Variants in CDH18 observed in about 807,000 individuals in gnomAD.
CDH18 encodes cadherin-18.
In CDH18, 31 loss-of-function variants were observed where a neutral mutation model predicts 67.9. That is an observed-to-expected ratio of 0.46 (90% CI 0.34 to 0.62). CDH18 has a LOEUF of 0.62. Among genes scored for constraint, CDH18 ranks in the 20% least tolerant of loss-of-function variants. CDH18 has a pLI of 0.01. For missense variants in CDH18, 890 were observed against 975.5 expected (o/e 0.91, Z 1.17); for synonymous variants, 362 against 347.2 (o/e 1.04, Z -0.48).
intron 2 of CDH18, among the ~76,000 whole-genome samples, chr5:20,181,663 T>C (rs1023070791): frequency 6.6e-6 from 1 of 152,106 alleles, no homozygotes; most frequent in Admixed American, 6.6e-5. Context: ...TTCATGGTAT[T>C]CAAGTGAACA....
At chr5:20,501,487 TATATTTTATATAC>T (rs1754255717) in intron 1 of CDH18, among the ~76,000 whole-genome samples, 1 of 73,544 alleles carries the variant, frequency 1.4e-5, no homozygotes, top group Non-Finnish European at 2.8e-5. Flanking sequence ...ACATATTATA[TATATTTTATATAC>T]ATATTTTATA....
intron 1 of CDH18, among the ~76,000 whole-genome samples, chr5:20,523,790 T>C (rs2126529840): frequency 6.6e-6 from 1 of 152,298 alleles, no homozygotes; most frequent in East Asian, 1.9e-4. Context: ...TCTGCCCACC[T>C]TGGCCTCCCA....
intron 2 of CDH18, among the ~76,000 whole-genome samples, chr5:20,113,116 T>C (rs1026805011): frequency 6.6e-6 from 1 of 152,232 alleles, no homozygotes; most frequent in Non-Finnish European, 1.5e-5. Context: ...AGTGATATTT[T>C]AACTTCTTCA....
intron 1 of CDH18, among the ~76,000 whole-genome samples, chr5:20,425,616 TA>T (rs1748243312): frequency 6.6e-6 from 1 of 151,002 alleles, no homozygotes; most frequent in African/African-American, 2.5e-5. Flanking sequence ...AAATCTTAAA[TA>T]GTAAAAATAA....
chr5:19,848,615 G>T (rs1001536511), intron 2 of CDH18, among the ~76,000 whole-genome samples: 1 of 151,924 alleles, frequency 6.6e-6, no homozygotes, highest in African/African-American at 2.4e-5. Context: ...ACTGCAGTGG[G>T]TTGAGAAGTG....
chr5:20,552,197 G>A (rs1471563490), intron 1 of CDH18, among the ~76,000 whole-genome samples: 9 of 151,836 alleles, frequency 5.9e-5, no homozygotes, highest in African/African-American at 1.7e-4. Flanking sequence ...AAGCATTCAG[G>A]TGGGCGCATT....
intron 1 of CDH18, among the ~76,000 whole-genome samples, chr5:20,293,254 T>A (rs951167348): frequency 6.6e-6 from 1 of 152,036 alleles, no homozygotes; most frequent in Admixed American, 6.6e-5. Context: ...GAGGCGGAGT[T>A]TGCAGTGAGC....
rs551619997 is a variant in CDH18 at position 20,223,361 on chromosome 5, C to T, written c.-518+32083G>A. On this transcript the variant is annotated intron_variant, in intron 2 of 14. Transcript: ENST00000507958. ...TTGGAACAGTTGTATTTACCCAATGCCTGTGCCCTCATTGTATCTAGGAAG... is the reference window on the plus strand; with the variant it reads ...TTGGAACAGTTGTATTTACCCAATGTCTGTGCCCTCATTGTATCTAGGAAG... 2.0e-5 allele frequency among the ~76,000 whole-genome samples: 3 copies of T among 152,222 alleles called. 1 individual carries two copies. The South Asian group carries it at 6.2e-4, about 32-fold the overall frequency.
chr5:19,486,621 G>A (rs1404890573), intron 11 of CDH18, among the ~76,000 whole-genome samples: 4 of 151,918 alleles, frequency 2.6e-5, no homozygotes, highest in Non-Finnish European at 5.9e-5. Flanking sequence ...GTGAAACCCC[G>A]TCTCTACTAA....
chr5:20,166,826 T>C (rs1192525481), intron 2 of CDH18, among the ~76,000 whole-genome samples: 1 of 152,142 alleles, frequency 6.6e-6, no homozygotes, highest in African/African-American at 2.4e-5. Context: ...TCCGTTGTCC[T>C]CCAAGCACGC....
chr5:19,565,887 A>G (rs1355140307), intron 8 of CDH18, among the ~76,000 whole-genome samples: 1 of 152,206 alleles, frequency 6.6e-6, no homozygotes, highest in Non-Finnish European at 1.5e-5. Context: ...ATCGAGTTAA[A>G]AAGCTTCTGC....
intron 2 of CDH18, among the ~76,000 whole-genome samples, chr5:20,172,238 A>ATATG (rs1554098805): frequency 1.7e-5 from 2 of 118,962 alleles, no homozygotes; most frequent in Admixed American, 1.7e-4. Flanking sequence ...ATATATATAT[A>ATATG]TGTATATATA....
chr5:19,599,963 T>C (rs1048735830), intron 6 of CDH18, among the ~76,000 whole-genome samples: 3 of 151,978 alleles, frequency 2.0e-5, no homozygotes, highest in African/African-American at 7.2e-5. Flanking sequence ...CATAATGTTC[T>C]CCATGTTTTC....
At chr5:19,863,083 A>C (rs1330886818) in intron 2 of CDH18, among the ~76,000 whole-genome samples, 1 of 152,062 alleles carries the variant, frequency 6.6e-6, no homozygotes, top group Non-Finnish European at 1.5e-5. Context: ...AATTTGAATA[A>C]ATTTAGTGGG....
In CDH18 at chr5:19,472,802, A is replaced by T. The variant is rs1737764637; in HGVS notation, c.*424T>A. The T allele has an allele frequency of 6.1e-6, 1 of 162,974 alleles. No individual in the cohort carries two copies. Among genetic ancestry groups the T allele is most frequent in the African/African-American group, 2.4e-5 (1 of 41,508 alleles). The allele number at this position is 162,974 out of a possible 1,614,324, so 10.1% of individuals were successfully genotyped here. ...CAGAAAAGTGATAAAAGAGGTTGTGATTACCTTCACAAGTTTCCTGTATTA... is the reference window on the plus strand; with the variant it reads ...CAGAAAAGTGATAAAAGAGGTTGTGTTTACCTTCACAAGTTTCCTGTATTA... On this transcript the variant is annotated 3_prime_UTR_variant, in exon 13 of 13. Transcript: ENST00000382275.
chr5:19,514,804 C>A (rs1745698860), intron 10 of CDH18, among the ~76,000 whole-genome samples: 1 of 152,150 alleles, frequency 6.6e-6, no homozygotes, highest in African/African-American at 2.4e-5. Context: ...GTTGCCTGTT[C>A]ACTCTGATGG....
chr5:20,036,964 T>A (rs1050729769), intron 2 of CDH18, among the ~76,000 whole-genome samples: 3 of 152,068 alleles, frequency 2.0e-5, no homozygotes, highest in Non-Finnish European at 2.9e-5. Context: ...TTCCATTTGC[T>A]TGGTAAATAT....
rs1561694795 is a variant in CDH18, at chr5:19,994,205, C to G, written c.-517-2191G>C. 2.0e-5 allele frequency among the ~76,000 whole-genome samples: 3 copies of G among 151,252 alleles called. No homozygotes were observed. In the East Asian group the frequency reaches 5.9e-4, roughly 30 times the overall value. ...GAATGCAATCTGGTGGGGTGTATAT[C>G]TATATGTGTGTATATGTGCATACAT... On this transcript the variant is annotated intron_variant, in intron 2 of 14. Transcript: ENST00000507958.
chr5:19,663,018 TCA>T (rs981685308), intron 5 of CDH18, among the ~76,000 whole-genome samples: 1 of 151,988 alleles, frequency 6.6e-6, no homozygotes, highest in Non-Finnish European at 1.5e-5. Flanking sequence ...TGAGAAAACG[TCA>T]CATTAAACTC....
Sources: allele counts gnomAD v4.1 joint callset (sites outside exome capture counted in the v4.1 genomes callset), GRCh38; gene constraint gnomAD v4.1.1; transcripts MANE v1.5; gene names NCBI Gene and HGNC (gene_info 2026-07-23, HGNC 2026-07-21).